FCHSD2: variants seen among roughly 807,000 people sequenced by gnomAD.
The protein encoded by FCHSD2 is FCH and double SH3 domains 2.
Under a neutral mutation model 108.1 loss-of-function variants are expected in FCHSD2, and 38 were observed. The observed-to-expected ratio is 0.35, with a 90% CI of 0.27 to 0.46. FCHSD2 has a LOEUF of 0.46. Among genes scored for constraint, FCHSD2 ranks in the 20% least tolerant of loss-of-function variants. The probability of loss-of-function intolerance (pLI) is 1.00; values close to 1 mark genes in which losing one functional copy is unlikely to be tolerated. For synonymous variants in FCHSD2, 279 were observed against 314.7 expected (o/e 0.89, Z 1.20); for missense variants, 751 against 897.8 (o/e 0.84, Z 2.09).
chr11:73,136,903 G>A (rs1207554870), intron 2 of FCHSD2, among the ~76,000 whole-genome samples: 1 of 151,996 alleles, frequency 6.6e-6, no homozygotes, highest in Non-Finnish European at 1.5e-5. Flanking sequence ...GTGGTGGCAG[G>A]TGTGGTGGCA....
intron 8 of FCHSD2, among the ~76,000 whole-genome samples, chr11:72,956,407 G>A (rs1251914662): frequency 6.6e-6 from 1 of 152,146 alleles, no homozygotes. Flanking sequence ...CAGGATATTG[G>A]CAGAGTCTCC....
intron 2 of FCHSD2, among the ~76,000 whole-genome samples, chr11:73,101,211 A>G (rs151008705): frequency 6.6e-6 from 1 of 152,340 alleles, no homozygotes; most frequent in African/African-American, 2.4e-5. Flanking sequence ...AAGGCCACAT[A>G]AAATAGCAGA....
chr11:73,040,502 T>C (rs1450976618), intron 3 of FCHSD2, among the ~76,000 whole-genome samples: 1 of 152,230 alleles, frequency 6.6e-6, no homozygotes, highest in African/African-American at 2.4e-5. Context: ...TGAGCAGATC[T>C]ACCTCTTATC....
chr11:73,108,793 G>T (rs565541067), intron 2 of FCHSD2, among the ~76,000 whole-genome samples: 1 of 151,814 alleles, frequency 6.6e-6, no homozygotes, highest in African/African-American at 2.4e-5. Context: ...GGATGGTCTC[G>T]ATCTCCTGAC....
intron 2 of FCHSD2, among the ~76,000 whole-genome samples, chr11:73,114,946 G>A (rs1860570644): frequency 1.3e-5 from 2 of 152,262 alleles, no homozygotes; most frequent in South Asian, 2.1e-4. Context: ...ACTAGGTCAT[G>A]TGCCCCACCA....
At chr11:72,920,702 A>G (rs1185127853) in intron 9 of FCHSD2, among the ~76,000 whole-genome samples, 1 of 152,228 alleles carries the variant, frequency 6.6e-6, no homozygotes, top group Non-Finnish European at 1.5e-5. Context: ...TCAAATATAT[A>G]TACATTAAAA....
intron 3 of FCHSD2, chr11:73,077,818 T>C (rs79339967): frequency 0.012 from 3,138 of 263,348 alleles, 24 homozygotes; most frequent in Non-Finnish European, 0.018. Flanking sequence ...GTGTTCATTA[T>C]CTTGCTTGTG....
At chr11:73,112,162 T>C (rs1860500966) in intron 2 of FCHSD2, among the ~76,000 whole-genome samples, 1 of 152,240 alleles carries the variant, frequency 6.6e-6, no homozygotes, top group Non-Finnish European at 1.5e-5. Flanking sequence ...TTAGCATTTC[T>C]TATAGGACAG....
chr11:72,956,823 GGA>G (rs199878479), intron 8 of FCHSD2, among the ~76,000 whole-genome samples: 759 of 6,774 alleles, frequency 0.11, 10 homozygotes, highest in African/African-American at 0.24. Flanking sequence ...ATTTCATAGT[GGA>G]AAAAAAAAAA....
chr11:73,030,248 T>A (rs987742510), intron 3 of FCHSD2, among the ~76,000 whole-genome samples: 12 of 152,192 alleles, frequency 7.9e-5, no homozygotes, highest in African/African-American at 2.9e-4. Flanking sequence ...GTCAAGACAC[T>A]TATCGGAAGA....
At chr11:72,988,749 A>G (rs1054095888) in intron 6 of FCHSD2, among the ~76,000 whole-genome samples, 4 of 152,204 alleles carry the variant, frequency 2.6e-5, no homozygotes, top group Non-Finnish European at 4.4e-5. Context: ...TAATGTGAAA[A>G]ACTGACTAAT....
intron 8 of FCHSD2, among the ~76,000 whole-genome samples, chr11:72,939,289 T>C (rs1188554643): frequency 1.3e-5 from 2 of 152,122 alleles, no homozygotes; most frequent in Non-Finnish European, 2.9e-5. Context: ...ATGACAGTAA[T>C]TCCCCCCTAA....
intron 13 of FCHSD2, among the ~76,000 whole-genome samples, chr11:72,852,526 C>T (rs1861318501): frequency 6.6e-6 from 1 of 151,932 alleles, no homozygotes; most frequent in Admixed American, 6.6e-5. Flanking sequence ...ATTAGCCAGG[C>T]GTGGTGGTAT....
intron 2 of FCHSD2, among the ~76,000 whole-genome samples, chr11:73,088,632 A>C (rs1397973183): frequency 6.6e-6 from 1 of 152,222 alleles, no homozygotes; most frequent in Non-Finnish European, 1.5e-5. Flanking sequence ...GCACATTCAT[A>C]AACATGTACA....
Position 72,986,386 on chromosome 11 carries a change from T to G in FCHSD2, c.522-1270A>C, listed in dbSNP as rs570866353. ...CACCACGCCCAGCTAATTTTTTGTATTTTTAGTAGAGACGGGGTTTCACCA... is the reference window on the plus strand; with the variant it reads ...CACCACGCCCAGCTAATTTTTTGTAGTTTTAGTAGAGACGGGGTTTCACCA... On this transcript the variant is annotated intron_variant, in intron 6 of 19. Transcript: ENST00000409418. Among the ~76,000 whole-genome samples, 77 of 152,178 alleles carry G rather than the reference T, an allele frequency of 5.1e-4. 2 individuals are homozygous for G. The highest frequency in any genetic ancestry group is 1.8e-3 in the African/African-American group (75 of 41,540).
intron 2 of FCHSD2, among the ~76,000 whole-genome samples, chr11:73,096,377 C>CAAA (rs767268719): frequency 4.8e-3 from 328 of 67,868 alleles, no homozygotes; most frequent in Non-Finnish European, 5.9e-3. Context: ...CCTGCCTCTA[C>CAAA]AAAAAAAAAA....
intron 8 of FCHSD2, among the ~76,000 whole-genome samples, chr11:72,955,537 T>A (rs573685994): frequency 1.3e-5 from 2 of 152,122 alleles, no homozygotes; most frequent in South Asian, 4.2e-4. Flanking sequence ...GTGGGTGGGG[T>A]GGAGCTAAAA....
At chr11:72,972,927 T>C (rs1004064714) in intron 8 of FCHSD2, among the ~76,000 whole-genome samples, 2 of 152,228 alleles carry the variant, frequency 1.3e-5, no homozygotes, top group South Asian at 4.1e-4. Flanking sequence ...TGGCACTCTT[T>C]TGTACAGCTT....
intron 8 of FCHSD2, among the ~76,000 whole-genome samples, chr11:72,956,866 AG>A (rs1856720858): frequency 2.0e-5 from 3 of 151,396 alleles, no homozygotes; most frequent in African/African-American, 7.3e-5. Flanking sequence ...CAAATTGACT[AG>A]GTGACCAATA....
Sources: gnomAD v4.1 joint callset for allele counts (sites outside exome capture counted in the v4.1 genomes callset) on GRCh38, gnomAD v4.1.1 for gene constraint, MANE v1.5 for transcripts, NCBI Gene and HGNC (gene_info 2026-07-23, HGNC 2026-07-21) for gene names.